The following HCN1 variants were observed in gnomAD, a reference collection of about 807,000 sequenced individuals.
HCN1 encodes potassium/sodium hyperpolarization-activated cyclic nucleotide-gated channel 1.
In HCN1, 13 loss-of-function variants were observed where a neutral mutation model predicts 78.9. The ratio of observed to expected loss-of-function variants is 0.16; its 90% CI spans 0.11 to 0.26. The LOEUF (loss-of-function observed/expected upper bound fraction) is 0.26, where lower values mean the gene tolerates loss of function less well. HCN1 is among the 10% of genes least tolerant of loss of function. The probability of loss-of-function intolerance (pLI) is 1.00; values close to 1 mark genes in which losing one functional copy is unlikely to be tolerated. For synonymous variants in HCN1, 552 were observed against 455.5 expected (o/e 1.21, Z -2.70); for missense variants, 810 against 1,154.3 (o/e 0.70, Z 4.32).
chr5:45,502,321 A>C (rs1742208251), intron 2 of HCN1, among the ~76,000 whole-genome samples: 1 of 151,784 alleles, frequency 6.6e-6, no homozygotes, highest in African/African-American at 2.4e-5. Flanking sequence ...AAAAAAACAA[A>C]ACAACAAAAA....
At chr5:45,289,141 C>T (rs115396543) in intron 6 of HCN1, among the ~76,000 whole-genome samples, 2,242 of 152,116 alleles carry the variant, frequency 0.015, 28 homozygotes, top group South Asian at 0.033. Context: ...ATTATCTTTC[C>T]TATGGACATA....
rs546885135 is a variant in HCN1 at position 45,412,764 on chromosome 5, C to T, written c.1012-16054G>A. On this transcript the variant is annotated intron_variant, in intron 3 of 7. Coordinates refer to ENST00000303230, the MANE Select transcript of HCN1 (RefSeq NM_021072.4). ...CAGGTTGATCCCCAAGAGGCTGGAA[C>T]TGGGTGAGCACGGATTGACAAAGGA... 1.1e-4 allele frequency among the ~76,000 whole-genome samples: 16 copies of T among 150,834 alleles called. No homozygotes were observed. The East Asian group carries it at 2.9e-3, about 28-fold the overall frequency.
intron 2 of HCN1, among the ~76,000 whole-genome samples, chr5:45,526,745 T>G (rs906876419): frequency 6.6e-6 from 1 of 152,108 alleles, no homozygotes; most frequent in African/African-American, 2.4e-5. Context: ...CAACCTCTCC[T>G]GTACTGCCAA....
rs1175236471 is a variant in HCN1 at position 45,258,918 on chromosome 5, A to G, written c.*3003T>C. ...GACAATTATTTACCATTATTACAGGAAAATTATTTCTCATCTGTATATCCA... is the reference window on the plus strand; with the variant it reads ...GACAATTATTTACCATTATTACAGGGAAATTATTTCTCATCTGTATATCCA... On this transcript the variant is annotated 3_prime_UTR_variant, in exon 8 of 8. Coordinates refer to ENST00000303230, the MANE Select transcript of HCN1 (RefSeq NM_021072.4). The G allele has an allele frequency of 6.6e-6, 1 of 152,072 alleles. No homozygotes were observed. The highest frequency in any genetic ancestry group is 2.4e-5 in the African/African-American group (1 of 41,446). The allele number at this position is 152,072 out of a possible 1,614,324, so 9.4% of individuals were successfully genotyped here. A position where few individuals can be genotyped will look rare whatever the true frequency, so the allele number is the denominator to read the frequency against.
intron 1 of HCN1, among the ~76,000 whole-genome samples, chr5:45,659,245 T>A (rs1050389668): frequency 7.2e-6 from 1 of 139,684 alleles, no homozygotes; most frequent in Admixed American, 7.2e-5. Flanking sequence ...CTGAGGGTCC[T>A]GTCTGTTAGA....
intron 1 of HCN1, among the ~76,000 whole-genome samples, chr5:45,676,643 A>C (rs928639915): frequency 6.6e-6 from 1 of 151,818 alleles, no homozygotes; most frequent in Non-Finnish European, 1.5e-5. Context: ...AAGGTCTAAA[A>C]TAACCAGAGA....
rs777158203 is a variant in HCN1, at chr5:45,262,156, G to C, written c.2438C>G (p.Ala813Gly). 1 of 1,613,762 alleles carries C rather than the reference G, an allele frequency of 6.2e-7. No homozygotes were observed. Among genetic ancestry groups the C allele is most frequent in the Non-Finnish European group, 8.5e-7 (1 of 1,179,972 alleles). Reference protein sequence around the residue: ...RPHPTVGESLASIPQPVTAVP... With the variant: ...RPHPTVGESLGSIPQPVTAVP... ...CGCCGTCACGGGTTGAGGGATGGAG[G>C]CCAGGGACTCGCCCACAGTGGGATG... is the stretch of plus-strand genomic sequence containing the variant. Residue 813 changes from alanine (A) to glycine (G), a missense_variant, in exon 8 of 8, where the codon GCC (alanine) becomes GGC (glycine). Physicochemically the swap from Ala to Gly is moderately conservative, Grantham distance 60. This residue lies in a region of HCN1 where 398 missense variants were observed against 381.3 expected (regional missense o/e 1.04). Transcript: ENST00000303230.
At chr5:45,379,215 T>C (rs1302795863) in intron 4 of HCN1, among the ~76,000 whole-genome samples, 3 of 152,148 alleles carry the variant, frequency 2.0e-5, no homozygotes, top group African/African-American at 7.2e-5. Context: ...CCACAATGGT[T>C]GAACTAGTTT....
chr5:45,475,815 G>A (rs1741501822), intron 2 of HCN1, among the ~76,000 whole-genome samples: 3 of 152,006 alleles, frequency 2.0e-5, no homozygotes, highest in Admixed American at 1.3e-4. Context: ...TGCACTTTTA[G>A]TTTGAGTCTA....
intron 2 of HCN1, among the ~76,000 whole-genome samples, chr5:45,538,577 T>C (rs562039489): frequency 3.9e-5 from 6 of 152,300 alleles, no homozygotes; most frequent in Middle Eastern, 3.4e-3. Context: ...CCCATGCTCT[T>C]TCTAAATGCC....
At chr5:45,505,007 G>A (rs1742269242) in intron 2 of HCN1, among the ~76,000 whole-genome samples, 1 of 152,094 alleles carries the variant, frequency 6.6e-6, no homozygotes, top group Non-Finnish European at 1.5e-5. Context: ...TTAGCCCTTT[G>A]ACAGATGAGT....
intron 3 of HCN1, among the ~76,000 whole-genome samples, chr5:45,424,460 A>T (rs1175487633): frequency 6.6e-6 from 1 of 152,160 alleles, no homozygotes; most frequent in Non-Finnish European, 1.5e-5. Context: ...GATTAAATTT[A>T]TTTTTTGAGT....
chr5:45,623,722 T>A (rs1745112083), intron 2 of HCN1, among the ~76,000 whole-genome samples: 1 of 151,984 alleles, frequency 6.6e-6, no homozygotes, highest in Admixed American at 6.6e-5. Context: ...GACAACACAA[T>A]AATGAAACAA....
intron 2 of HCN1, among the ~76,000 whole-genome samples, chr5:45,518,522 G>C (rs968446754): frequency 4.6e-5 from 7 of 151,970 alleles, no homozygotes; most frequent in African/African-American, 1.7e-4. Flanking sequence ...AAGATAAGCA[G>C]GTTATATTGA....
chr5:45,372,283 T>C lies in HCN1; in HGVS notation c.1231-19037A>G, dbSNP rs1472100341. Among the ~76,000 whole-genome samples the C allele has an allele frequency of 1.2e-3, 111 of 92,636 alleles. 5 individuals carry two copies. The East Asian group carries it at 0.031, about 26-fold the overall frequency. 60.8% of individuals were successfully genotyped at this position (92,636 alleles called of 152,430 possible). ...TTTATATATATATTTATATATATAA[T>C]ATATATTTCATATATAATATATAAT... On this transcript the variant is annotated intron_variant, in intron 4 of 7. Transcript: ENST00000303230.
intron 2 of HCN1, among the ~76,000 whole-genome samples, chr5:45,528,521 G>C (rs965512044): frequency 6.6e-6 from 1 of 151,850 alleles, no homozygotes; most frequent in African/African-American, 2.4e-5. Flanking sequence ...AAAAGCTTAA[G>C]AGGAGGGAAA....
chr5:45,632,994 T>A (rs867089203), intron 2 of HCN1, among the ~76,000 whole-genome samples: 1 of 152,036 alleles, frequency 6.6e-6, no homozygotes, highest in African/African-American at 2.4e-5. Context: ...GTTAGATATT[T>A]CTAATTGTTT....
intron 4 of HCN1, among the ~76,000 whole-genome samples, chr5:45,377,797 C>T (rs1747715322): frequency 6.6e-6 from 1 of 151,810 alleles, no homozygotes; most frequent in South Asian, 2.1e-4. Flanking sequence ...GGTTGTAGCT[C>T]AAACCTACAG....
intron 2 of HCN1, among the ~76,000 whole-genome samples, chr5:45,578,235 G>T (rs1480460821): frequency 3.3e-5 from 5 of 151,952 alleles, no homozygotes; most frequent in Non-Finnish European, 7.4e-5. Flanking sequence ...TAAGACAAAG[G>T]TCTATCTAAA....
Sources: gnomAD v4.1 joint callset for allele counts (sites outside exome capture counted in the v4.1 genomes callset) on GRCh38, gnomAD v4.1.1 for gene constraint, gnomAD v4.1.1 regional missense constraint, MANE v1.5 for transcripts, NCBI Gene and HGNC (gene_info 2026-07-23, HGNC 2026-07-21) for gene names.